ALPL: variants seen among roughly 807,000 people sequenced by gnomAD.
ALPL encodes the protein alkaline phosphatase, tissue-nonspecific isozyme.
ALPL carries 42 observed loss-of-function variants against 51.3 expected under a neutral mutation model. That is an observed-to-expected ratio of 0.82 (90% CI 0.64 to 1.06). The LOEUF is 1.06. ALPL is among the 50% of genes least tolerant of loss of function. ALPL has a pLI of 0.00. For missense variants in ALPL, 589 were observed against 709.4 expected (o/e 0.83, Z 1.93); for synonymous variants, 279 against 296.4 (o/e 0.94, Z 0.60).
chr1:21,554,581 C>A (rs905080098), intron 2 of ALPL, among the ~76,000 whole-genome samples: 1 of 150,962 alleles, frequency 6.6e-6, no homozygotes, highest in African/African-American at 2.4e-5. Context: ...AGCTCTGCCT[C>A]CTGGGTTCAC....
At chr1:21,536,444 A>G (rs1359054685) in intron 1 of ALPL, among the ~76,000 whole-genome samples, 4 of 152,206 alleles carry the variant, frequency 2.6e-5, no homozygotes, top group East Asian at 1.9e-4. Context: ...CAAGACGCAC[A>G]ATGGGGAAAT....
At chr1:21,514,129 C>T (rs1186820444) in intron 1 of ALPL, among the ~76,000 whole-genome samples, 2 of 152,194 alleles carry the variant, frequency 1.3e-5, no homozygotes, top group African/African-American at 4.8e-5. Flanking sequence ...AACATGTCAG[C>T]TAGGCGAAGG....
chr1:21,512,291 C>G (rs905498804), intron 1 of ALPL, among the ~76,000 whole-genome samples: 2 of 152,182 alleles, frequency 1.3e-5, no homozygotes, highest in African/African-American at 4.8e-5. Flanking sequence ...ATTCCCAGCA[C>G]TGCCATGCGA....
chr1:21,519,629 T>C (rs1643863980), intron 1 of ALPL, among the ~76,000 whole-genome samples: 1 of 152,216 alleles, frequency 6.6e-6, no homozygotes, highest in Non-Finnish European at 1.5e-5. Flanking sequence ...AAACCCTATC[T>C]GTACTAAGAA....
Position 21,564,355 on chromosome 1 carries a change from G to T in ALPL, c.648+139G>T. ...ACCTGGGAGGCTCCCAGCCCATTAG[G>T]GGATTTGCGGTTGGGCAGGCAGGCA... On this transcript the variant is annotated intron_variant, in intron 6 of 11. Coordinates refer to ENST00000374840, the MANE Select transcript of ALPL (RefSeq NM_000478.6). The surrounding 1 kb of genome is among the most constrained non-coding windows in gnomAD (Gnocchi z 5.8). 1 of 1,140,462 alleles carries T rather than the reference G, an allele frequency of 8.8e-7. No individual in the cohort carries two copies. The allele number at this position is 1,140,462 out of a possible 1,614,324, so 70.6% of individuals were successfully genotyped here. A position where few individuals can be genotyped will look rare whatever the true frequency, so the allele number is the denominator to read the frequency against.
rs560790186 is a variant in ALPL at position 21,559,948 on chromosome 1, C to T, written c.62-678C>T. 4.6e-5 allele frequency among the ~76,000 whole-genome samples: 7 copies of T among 152,278 alleles called. No homozygotes were observed. The South Asian group carries it at 1.5e-3, about 32-fold the overall frequency. On this transcript the variant is annotated intron_variant, in intron 2 of 11. Coordinates refer to ENST00000374840, the MANE Select transcript of ALPL (RefSeq NM_000478.6). ...CTCATTTTATCTCAAAACCATAAAG[C>T]CCCAGCCAGAAGTCACTATCAGCCA...
intron 1 of ALPL, among the ~76,000 whole-genome samples, chr1:21,541,702 G>C (rs145606669): frequency 6.6e-6 from 1 of 152,326 alleles, no homozygotes; most frequent in Non-Finnish European, 1.5e-5. Context: ...CTGCTGTCTG[G>C]GCTGGGGTAG....
intron 1 of ALPL, among the ~76,000 whole-genome samples, chr1:21,516,372 T>A (rs1312350999): frequency 6.6e-6 from 1 of 152,174 alleles, no homozygotes; most frequent in Non-Finnish European, 1.5e-5. Context: ...CTCTTCTTTC[T>A]CTGCCTCATT....
In ALPL at chr1:21,543,206, A is replaced by C. The variant is rs529454423; in HGVS notation, c.-104-10772A>C. On this transcript the variant is annotated intron_variant, in intron 1 of 11. Coordinates refer to ENST00000374840, the MANE Select transcript of ALPL (RefSeq NM_000478.6). The stretch of plus-strand genomic sequence containing the variant: ...GGAGATTCTGACCGAGTAGGTCTGG[A>C]ATAGGAGAAGTAGGAATTTATTTAG... Among the ~76,000 whole-genome samples, 22 of 152,274 alleles carry C rather than the reference A, an allele frequency of 1.4e-4. No homozygotes were observed. The South Asian group carries it at 4.4e-3, about 30-fold the overall frequency.
At chr1:21,560,909 C>T (rs1644475439) in intron 3 of ALPL, among the ~76,000 whole-genome samples, 164 bp downstream of exon 3, 1 of 152,132 alleles carries the variant, frequency 6.6e-6, no homozygotes, top group South Asian at 2.1e-4. Context: ...GCCTGCTCTG[C>T]CAGACAGCCC....
At chr1:21,565,914 G>A (rs2148165826) in intron 6 of ALPL, among the ~76,000 whole-genome samples, 1 of 152,324 alleles carries the variant, frequency 6.6e-6, no homozygotes, top group Middle Eastern at 3.4e-3. Context: ...TTATTTGGGA[G>A]TTTAATGAGC....
chr1:21,522,461 A>G (rs969395383), intron 1 of ALPL, among the ~76,000 whole-genome samples: 2 of 152,164 alleles, frequency 1.3e-5, no homozygotes, highest in Admixed American at 1.3e-4. Flanking sequence ...TGAGGCTCAG[A>G]GAGATTATGT....
chr1:21,555,154 G>A (rs1299750284), intron 2 of ALPL, among the ~76,000 whole-genome samples: 4 of 151,214 alleles, frequency 2.6e-5, no homozygotes, highest in African/African-American at 9.7e-5. Flanking sequence ...TGGCGGGCAG[G>A]AGTGGGGGTC....
chr1:21,549,663 A>G (rs1644296033), intron 1 of ALPL, among the ~76,000 whole-genome samples: 1 of 151,778 alleles, frequency 6.6e-6, no homozygotes, highest in Non-Finnish European at 1.5e-5. Context: ...GAGTTTCACC[A>G]TGTTGGCCAG....
intron 1 of ALPL, among the ~76,000 whole-genome samples, chr1:21,552,276 G>A (rs1418443042): frequency 2.0e-5 from 3 of 150,778 alleles, no homozygotes; most frequent in Non-Finnish European, 4.4e-5. Context: ...CTGAGGTCGG[G>A]AGTTCGAGAC....
chr1:21,546,028 A>T lies in ALPL; in HGVS notation c.-104-7950A>T, dbSNP rs375466205. Among the ~76,000 whole-genome samples the T allele has an allele frequency of 3.4e-4, 51 of 151,782 alleles. 1 individual carries two copies. In the East Asian group the frequency reaches 9.0e-3, roughly 27 times the overall value. ...ACGGGGTTTCATCATGTTGGCCAGG[A>T]TGGTCTCGATTTCCTGACCTCGTGA... On this transcript the variant is annotated intron_variant, in intron 1 of 11. Transcript: ENST00000374840.
At chr1:21,554,984 G>C (rs1336330185) in intron 2 of ALPL, among the ~76,000 whole-genome samples, 1 of 148,874 alleles carries the variant, frequency 6.7e-6, no homozygotes, top group Non-Finnish European at 1.5e-5. Flanking sequence ...CGAGTGAAGA[G>C]ACCACCAAAC....
chr1:21,561,879 C>A (rs1644490662), intron 4 of ALPL, among the ~76,000 whole-genome samples: 2 of 152,024 alleles, frequency 1.3e-5, no homozygotes, highest in South Asian at 4.2e-4. Flanking sequence ...GTTGGCCAGG[C>A]TGGTCTCGAA....
At chr1:21,553,531 CGCAAAGCA>C (rs1385338285) in intron 1 of ALPL, among the ~76,000 whole-genome samples, 1 of 152,124 alleles carries the variant, frequency 6.6e-6, no homozygotes, top group Non-Finnish European at 1.5e-5. Context: ...AGGTGTGGTC[CGCAAAGCA>C]GCAAAGCAGC....
Sources: allele counts gnomAD v4.1 joint callset (sites outside exome capture counted in the v4.1 genomes callset), GRCh38; gene constraint gnomAD v4.1.1; non-coding constraint Gnocchi (gnomAD v3.1); transcripts MANE v1.5; gene names NCBI Gene and HGNC (gene_info 2026-07-23, HGNC 2026-07-21).